Variants in SLC27A6 observed in about 807,000 individuals in gnomAD.
The protein encoded by SLC27A6 is solute carrier family 27 member 6, also known as long-chain fatty acid transport protein 6.
Under a neutral mutation model 63.9 loss-of-function variants are expected in SLC27A6, and 74 were observed. That is an observed-to-expected ratio of 1.16 (90% CI 0.96 to 1.40). The LOEUF (loss-of-function observed/expected upper bound fraction) is 1.40. SLC27A6 is among the 40% of genes most tolerant of loss of function. SLC27A6 has a pLI of 0.00. For synonymous variants in SLC27A6, 287 were observed against 260.8 expected, an observed-to-expected ratio of 1.10 and a Z score of -0.97; for missense variants, 794 against 732.9, an observed-to-expected ratio of 1.08 and a Z score of -0.96.
chr5:129,006,372 G>A (rs1270836854), intron 4 of SLC27A6, among the ~76,000 whole-genome samples: 1 of 151,922 alleles, frequency 6.6e-6, no homozygotes, highest in Non-Finnish European at 1.5e-5. Context: ...TTACAGGCAT[G>A]AGCCACCGCG....
intron 4 of SLC27A6, among the ~76,000 whole-genome samples, chr5:129,010,846 A>G (rs1415581626): frequency 6.6e-6 from 1 of 152,150 alleles, no homozygotes; most frequent in Non-Finnish European, 1.5e-5. Flanking sequence ...TAGCCAGTCA[A>G]CACTTTCATT....
rs1356715903 is a variant in SLC27A6, at chr5:129,027,427, A to T, written c.1454+96A>T. 14 of 894,216 alleles carry T rather than the reference A, an allele frequency of 1.6e-5. No individual in the cohort carries two copies. The African/African-American group carries it at 2.0e-4, about 13-fold the overall frequency. 55.4% of individuals were successfully genotyped at this position (894,216 alleles called of 1,614,324 possible). On this transcript the variant is annotated intron_variant, in intron 7 of 9. Transcript: ENST00000262462. ...CCACATATGCTTTAGCTTTCAGGGC[A>T]GACAGAGCCCTTTTATCTCCATGTC... is the stretch of plus-strand genomic sequence containing the variant.
chr5:129,005,861 C>T (rs1488205301), intron 4 of SLC27A6, among the ~76,000 whole-genome samples: 1 of 151,444 alleles, frequency 6.6e-6, no homozygotes, highest in African/African-American at 2.4e-5. Context: ...ATCCGCCTGC[C>T]TCGGCCCCCC....
At chr5:128,976,468 C>G (rs927651392) in intron 1 of SLC27A6, among the ~76,000 whole-genome samples, 1 of 152,248 alleles carries the variant, frequency 6.6e-6, no homozygotes, top group African/African-American at 2.4e-5. Context: ...GAGCTGAGAT[C>G]GTGCCATTGC....
In SLC27A6 at chr5:129,023,692, T is replaced by C; in HGVS notation, c.1237T>C (p.Cys413Arg). Reference sequence around the variant, plus strand: ...ACCCATGAGAAATGAGCAGGGTTGGTGTATTCATGTGAAAAAAGGTAAGAC... The same window carrying C: ...ACCCATGAGAAATGAGCAGGGTTGGCGTATTCATGTGAAAAAAGGTAAGAC... ...DEPMRNEQGW[C>R]IHVKKGEPGL... The change falls in exon 6 of 10, where the codon TGT becomes CGT. Residue 413 changes from cysteine (C) to arginine (R), a missense_variant. Transcript: ENST00000262462. 6.2e-7 allele frequency: 1 copy of C among 1,608,930 alleles called. No homozygotes were observed. Among genetic ancestry groups the C allele is most frequent in the South Asian group, 1.1e-5 (1 of 90,482 alleles).
chr5:128,968,580 A>G (rs1225170481), intron 1 of SLC27A6, among the ~76,000 whole-genome samples: 1 of 152,170 alleles, frequency 6.6e-6, no homozygotes, highest in Non-Finnish European at 1.5e-5. Context: ...GTGTCTGTTC[A>G]TATCCTTTGC....
chr5:129,017,417 CT>C (rs1408390498), intron 5 of SLC27A6, among the ~76,000 whole-genome samples: 3 of 151,928 alleles, frequency 2.0e-5, no homozygotes, highest in Non-Finnish European at 4.4e-5. Context: ...CATTAAAAAA[CT>C]TGTGCCTTAG....
chr5:128,990,339 G>A lies in SLC27A6; in HGVS notation c.845-1G>A, dbSNP rs775741998. 5 of 1,610,928 alleles carry A rather than the reference G, an allele frequency of 3.1e-6. No individual in the cohort carries two copies. In the African/African-American group the frequency reaches 6.7e-5, roughly 22 times the overall value. ...GTGCCTGTTTTTGTCTTTTCTTATA[G>A]GTGCCACTTGTGTGTTAAAGAAGAA... On this transcript the variant is annotated splice_acceptor_variant, in intron 3 of 9. Coordinates refer to ENST00000262462, the MANE Select transcript of SLC27A6 (RefSeq NM_001017372.3). LOFTEE classifies it high-confidence loss of function.
chr5:129,017,660 A>G (rs184272505), intron 5 of SLC27A6, among the ~76,000 whole-genome samples: 6 of 152,272 alleles, frequency 3.9e-5, no homozygotes, highest in Admixed American at 2.0e-4. Flanking sequence ...CAGGAATGGA[A>G]AAGGGAACAT....
intron 2 of SLC27A6, 125 bp downstream of exon 2, chr5:128,985,461 A>G: frequency 1.4e-6 from 1 of 703,828 alleles, no homozygotes. Context: ...AGAAGATGTA[A>G]GGATCTCAGA....
intron 2 of SLC27A6, among the ~76,000 whole-genome samples, chr5:128,988,253 A>G (rs1373972910): frequency 1.3e-5 from 2 of 152,148 alleles, no homozygotes; most frequent in African/African-American, 4.8e-5. Context: ...ACAAAAACTT[A>G]CCTCCCAAAT....
At chr5:128,986,124 C>G (rs1750776940) in intron 2 of SLC27A6, among the ~76,000 whole-genome samples, 1 of 152,014 alleles carries the variant, frequency 6.6e-6, no homozygotes, top group Non-Finnish European at 1.5e-5. Flanking sequence ...CCAGCCTAGG[C>G]AACACAGTGA....
chr5:129,009,065 C>G (rs1751639867), intron 4 of SLC27A6, among the ~76,000 whole-genome samples: 1 of 152,008 alleles, frequency 6.6e-6, no homozygotes, highest in Non-Finnish European at 1.5e-5. Context: ...CAGGGTTTCT[C>G]CATATTGGCC....
At chr5:129,012,237 G>T (rs1751751451) in intron 4 of SLC27A6, among the ~76,000 whole-genome samples, 1 of 151,418 alleles carries the variant, frequency 6.6e-6, no homozygotes, top group African/African-American at 2.4e-5. Context: ...GTTTAAAGGT[G>T]TATTATTATT....
chr5:128,966,693 G>A (rs1749917754), intron 1 of SLC27A6, 75 bp downstream of exon 1: 2 of 1,347,630 alleles, frequency 1.5e-6, no homozygotes, highest in South Asian at 2.2e-5. Flanking sequence ...TTTTCTTTAG[G>A]ATAATTCGTA....
intron 8 of SLC27A6, among the ~76,000 whole-genome samples, chr5:129,029,021 T>C (rs950770527): frequency 6.6e-6 from 1 of 151,844 alleles, no homozygotes; most frequent in Non-Finnish European, 1.5e-5. Flanking sequence ...AGTGTGTGGA[T>C]AGGAGAGCAG....
chr5:128,987,402 C>A (rs1047461728), intron 2 of SLC27A6, among the ~76,000 whole-genome samples: 1 of 151,936 alleles, frequency 6.6e-6, no homozygotes, highest in Admixed American at 6.6e-5. Flanking sequence ...GTTTTTGTGT[C>A]TGCACTTTTA....
intron 4 of SLC27A6, among the ~76,000 whole-genome samples, chr5:129,006,167 C>T (rs1041601982): frequency 2.1e-5 from 3 of 143,684 alleles, no homozygotes; most frequent in Non-Finnish European, 3.0e-5. Flanking sequence ...CAAGCTCCAC[C>T]TCCTCCGTTC....
At chr5:129,028,490 C>A in intron 8 of SLC27A6, 48 bp downstream of exon 8, 1 of 1,100,156 alleles carries the variant, frequency 9.1e-7, no homozygotes, top group Non-Finnish European at 1.4e-6. Flanking sequence ...ATAGAATTGC[C>A]ACTATTCTCT....
Sources: gnomAD v4.1 joint callset for allele counts (sites outside exome capture counted in the v4.1 genomes callset) on GRCh38, gnomAD v4.1.1 for gene constraint, MANE v1.5 for transcripts, NCBI Gene and HGNC (gene_info 2026-07-23, HGNC 2026-07-21) for gene names.